CREB3L1: variants seen among roughly 807,000 people sequenced by gnomAD.
CREB3L1 encodes cyclic AMP-responsive element-binding protein 3-like protein 1.
A neutral mutation model predicts 54.5 loss-of-function variants in CREB3L1; 33 were observed. The ratio of observed to expected loss-of-function variants is 0.61; its 90% CI spans 0.46 to 0.81. CREB3L1 has a LOEUF of 0.81. Ranked by LOEUF, CREB3L1 falls within the 30% of genes least tolerant of loss-of-function variation. The probability of loss-of-function intolerance (pLI) is 0.00; values close to 1 mark genes in which losing one functional copy is unlikely to be tolerated. For synonymous variants in CREB3L1, 284 were observed against 286.4 expected, an observed-to-expected ratio of 0.99 and a Z score of 0.08; for missense variants, 656 against 673.3, an observed-to-expected ratio of 0.97 and a Z score of 0.29.
chr11:46,301,374 A>G (rs1044609691), intron 2 of CREB3L1, among the ~76,000 whole-genome samples: 1 of 151,898 alleles, frequency 6.6e-6, no homozygotes, highest in African/African-American at 2.4e-5. Context: ...GCAGTTGCTC[A>G]TGCCTGTAAT....
chr11:46,289,696 A>G (rs1239584963), intron 1 of CREB3L1, among the ~76,000 whole-genome samples: 1 of 152,222 alleles, frequency 6.6e-6, no homozygotes, highest in African/African-American at 2.4e-5. Flanking sequence ...TGGGGACCAC[A>G]GCAGGTTTAA....
At position 46,321,391 on chromosome 11, in the gene CREB3L1, C is replaced by CT. The variant is rs200333461; in HGVS notation, c.*645_*646insT. ...CAGCACATGCTTTAAGAAAGCAAAA[C>CT]CAAAAAAAAAAAAAAAAAGATGCAG... On this transcript the variant is annotated 3_prime_UTR_variant, in exon 12 of 12. Coordinates refer to ENST00000621158, the MANE Select transcript of CREB3L1 (RefSeq NM_052854.4). The CT allele has an allele frequency of 0.024, 3,736 of 158,230 alleles. 169 individuals carry two copies. Among genetic ancestry groups the CT allele is most frequent in the African/African-American group, 0.1 (3,399 of 34,130 alleles). The allele number at this position is 158,230 out of a possible 1,614,324, so 9.8% of individuals were successfully genotyped here.
intron 10 of CREB3L1, among the ~76,000 whole-genome samples, chr11:46,319,170 G>C (rs1939610740): frequency 6.6e-6 from 1 of 152,222 alleles, no homozygotes; most frequent in Non-Finnish European, 1.5e-5. Flanking sequence ...ACCTGGGCTG[G>C]GTGGAGAGGA....
At position 46,316,383 on chromosome 11, in the gene CREB3L1, A is replaced by T. The variant is rs1324876568; in HGVS notation, c.1129A>T (p.Met377Leu). 1 of 1,547,718 alleles carries T rather than the reference A, an allele frequency of 6.5e-7. No individual in the cohort carries two copies. Among genetic ancestry groups the T allele is most frequent in the Non-Finnish European group, 8.8e-7 (1 of 1,139,820 alleles). ...CGCCACCCAGACTGGGACCTGCCTC[A>T]TGGTAGGTGTGGCTCCCTCCACCAC... The part of the protein sequence containing the change: ...MAATQTGTCL[M>L]VAALCFVLVL... Residue 377 changes from methionine (M) to leucine (L), a missense_variant and splice_region_variant, in exon 9 of 12, where the codon ATG becomes TTG. Physicochemically the swap from Met to Leu is conservative, Grantham distance 15. Coordinates refer to ENST00000621158, the MANE Select transcript of CREB3L1 (RefSeq NM_052854.4).
intron 1 of CREB3L1, among the ~76,000 whole-genome samples, chr11:46,288,168 C>T (rs1381058446): frequency 2.0e-5 from 3 of 152,014 alleles, no homozygotes; most frequent in East Asian, 1.9e-4. Context: ...CTGCAGCCTC[C>T]GCCTCCCAGG....
intron 1 of CREB3L1, among the ~76,000 whole-genome samples, chr11:46,290,525 T>G (rs1939114440): frequency 6.6e-6 from 1 of 151,730 alleles, no homozygotes; most frequent in African/African-American, 2.4e-5. Flanking sequence ...CTTCCACATT[T>G]GGGATCTGGC....
intron 2 of CREB3L1, among the ~76,000 whole-genome samples, chr11:46,301,836 A>C (rs1406063268): frequency 6.6e-6 from 1 of 152,030 alleles, no homozygotes; most frequent in Non-Finnish European, 1.5e-5. Flanking sequence ...CTGTAATCCC[A>C]ACTACTCTGG....
chr11:46,307,713 C>T (rs1487753821), intron 2 of CREB3L1, 103 bp from the exon 3 acceptor site: 3 of 1,007,206 alleles, frequency 3.0e-6, no homozygotes, highest in Admixed American at 3.4e-5. Context: ...CCCTGGTCTA[C>T]CCTAACAGCT....
At chr11:46,290,318 G>C (rs1484813787) in intron 1 of CREB3L1, among the ~76,000 whole-genome samples, 2 of 152,030 alleles carry the variant, frequency 1.3e-5, no homozygotes, top group African/African-American at 4.8e-5. Flanking sequence ...ATCAGACAAA[G>C]CATGTCTCTA....
In CREB3L1 at chr11:46,277,782, G is replaced by T. The variant is rs1354765832; in HGVS notation, c.-330G>T. 2 of 266,994 alleles carry T rather than the reference G, an allele frequency of 7.5e-6. No individual in the cohort carries two copies. Among genetic ancestry groups the T allele is most frequent in the Non-Finnish European group, 1.4e-5 (2 of 141,224 alleles). 16.5% of individuals were successfully genotyped at this position (266,994 alleles called of 1,614,324 possible). On this transcript the variant is annotated 5_prime_UTR_variant, in exon 1 of 12. Transcript: ENST00000621158. ...CCCCGGCTCCCACCCTGTCCGGGGG[G>T]CTCCTGAAGCCCTCAGCCCCAACCC...
In CREB3L1 at chr11:46,300,100, C is replaced by T. The variant is rs780640495; in HGVS notation, c.268C>T (p.Leu90=). The change falls in exon 2 of 12, where the codon CTG becomes TTG. Residue 90 remains leucine (L), a synonymous_variant. Coordinates refer to ENST00000621158, the MANE Select transcript of CREB3L1 (RefSeq NM_052854.4). ...PGIQAEHSYS[L]SGDSAPQSPL... The stretch of plus-strand genomic sequence containing the variant: ...CATCCAGGCGGAGCACAGCTACTCC[C>T]TGAGCGGCGACTCAGCGCCCCAGAG... 2 of 1,613,878 alleles carry T rather than the reference C, an allele frequency of 1.2e-6. No homozygotes were observed. The highest frequency in any genetic ancestry group is 2.2e-5 in the South Asian group (2 of 91,056).
chr11:46,305,066 G>A (rs545483366), intron 2 of CREB3L1, among the ~76,000 whole-genome samples: 2 of 152,150 alleles, frequency 1.3e-5, no homozygotes, highest in South Asian at 2.1e-4. Flanking sequence ...GCCTCTCCCC[G>A]ACCACAGCAG....
chr11:46,291,125 G>A (rs1444632760), intron 1 of CREB3L1, among the ~76,000 whole-genome samples: 2 of 152,166 alleles, frequency 1.3e-5, no homozygotes, highest in African/African-American at 2.4e-5. Flanking sequence ...CCATCCGACT[G>A]ACTCAAGGAA....
Position 46,278,110 on chromosome 11 carries a change from C to A in CREB3L1, c.-2C>A. The A allele has an allele frequency of 6.5e-7, 1 of 1,547,112 alleles. No homozygotes were observed. ...GGAAGGGGGTCCCGGGAGCCGGCTG[C>A]GATGGACGCCGTCTTGGAACCCTTC... On this transcript the variant is annotated 5_prime_UTR_variant, in exon 1 of 12. Transcript: ENST00000621158. The surrounding 1 kb of genome is among the most constrained non-coding windows in gnomAD (Gnocchi z 4.2).
chr11:46,285,168 T>C (rs752231888), intron 1 of CREB3L1, among the ~76,000 whole-genome samples: 3 of 152,212 alleles, frequency 2.0e-5, no homozygotes, highest in Non-Finnish European at 4.4e-5. Flanking sequence ...CCCTGTATCA[T>C]GTGCCTCGTG....
intron 1 of CREB3L1, among the ~76,000 whole-genome samples, chr11:46,296,243 G>A (rs1939209237): frequency 6.6e-6 from 1 of 152,146 alleles, no homozygotes; most frequent in Non-Finnish European, 1.5e-5. Context: ...ACAAGGGGGC[G>A]TGCTGGAGCG....
intron 1 of CREB3L1, among the ~76,000 whole-genome samples, chr11:46,280,102 G>C (rs1435625366): frequency 1.3e-5 from 2 of 152,058 alleles, no homozygotes; most frequent in African/African-American, 4.8e-5. Flanking sequence ...GGAATCAGGA[G>C]ATTTAATTCT....
Position 46,278,940 on chromosome 11 carries a change from C to T in CREB3L1, c.102+727C>T, listed in dbSNP as rs1393446964. On this transcript the variant is annotated intron_variant, in intron 1 of 11. Transcript: ENST00000621158. This position sits in a 1 kb window ranked among gnomAD's most constrained non-coding sequence, Gnocchi z 4.2. ...CTGTGAGCTTGTCTTTCTCCTCTTT[C>T]TCACTCTTCCCCTCCCTCCCTAAGG... is the stretch of plus-strand genomic sequence containing the variant. Among the ~76,000 whole-genome samples the T allele has an allele frequency of 6.6e-6, 1 of 152,198 alleles. No individual in the cohort carries two copies. Among genetic ancestry groups the T allele is most frequent in the African/African-American group, 2.4e-5 (1 of 41,450 alleles).
intron 2 of CREB3L1, among the ~76,000 whole-genome samples, chr11:46,301,968 T>C (rs1406211046): frequency 1.3e-5 from 2 of 151,134 alleles, no homozygotes; most frequent in South Asian, 2.1e-4. Flanking sequence ...ATAATAATAC[T>C]ATCCTGGCTA....
Sources: gnomAD v4.1 joint callset for allele counts (sites outside exome capture counted in the v4.1 genomes callset) on GRCh38, gnomAD v4.1.1 for gene constraint, Gnocchi (gnomAD v3.1) non-coding constraint, MANE v1.5 for transcripts, NCBI Gene and HGNC (gene_info 2026-07-23, HGNC 2026-07-21) for gene names.